Variants in CLIC5 observed in about 807,000 individuals in gnomAD.
The protein encoded by CLIC5 is CLIC family member 5.
In CLIC5, 20 loss-of-function variants were observed where a neutral mutation model predicts 24.7. The observed-to-expected ratio is 0.81, with a 90% CI of 0.57 to 1.18. CLIC5 has a LOEUF of 1.18. Ranked by LOEUF, CLIC5 falls within the 50% of genes most tolerant of loss-of-function variation. The pLI, the probability that CLIC5 is intolerant of heterozygous loss-of-function variation, is 0.00. For missense variants in CLIC5, 341 were observed against 326.1 expected, an observed-to-expected ratio of 1.05 and a Z score of -0.35; for synonymous variants, 159 against 135.6, an observed-to-expected ratio of 1.17 and a Z score of -1.20.
chr6:46,108,399 T>A, the CLIC5 span, among the ~76,000 whole-genome samples: 19,725 of 133,784 alleles, frequency 0.15, 1,726 homozygotes, highest in South Asian at 0.34. Context: ...TGTGTGTGTG[T>A]GTGAGAGAGA....
intron 1 of CLIC5, among the ~76,000 whole-genome samples, chr6:46,040,314 C>T (rs775828261): frequency 5.9e-5 from 9 of 151,934 alleles, no homozygotes; most frequent in Non-Finnish European, 2.9e-5. Context: ...ATTTGTTGCT[C>T]ATAGTGTTAA....
At chr6:45,986,131 C>G (rs1765728355) in intron 1 of CLIC5, among the ~76,000 whole-genome samples, 1 of 152,168 alleles carries the variant, frequency 6.6e-6, no homozygotes, top group Admixed American at 6.5e-5. Context: ...TCAATTAAAC[C>G]TCTTTCCTTT....
At chr6:46,045,389 T>C (rs1303975119) in intron 1 of CLIC5, among the ~76,000 whole-genome samples, 4 of 152,192 alleles carry the variant, frequency 2.6e-5, no homozygotes, top group Non-Finnish European at 5.9e-5. Flanking sequence ...TCCTTCCTTT[T>C]GCAATGTGGG....
intron 1 of CLIC5, among the ~76,000 whole-genome samples, chr6:46,032,880 G>C (rs1483297424): frequency 6.6e-6 from 1 of 151,852 alleles, no homozygotes; most frequent in Non-Finnish European, 1.5e-5. Flanking sequence ...CAGTTTCCAA[G>C]GACAATCTGT....
At chr6:45,949,681 C>T (rs1378492616) in intron 2 of CLIC5, among the ~76,000 whole-genome samples, 2 of 152,122 alleles carry the variant, frequency 1.3e-5, no homozygotes, top group Non-Finnish European at 2.9e-5. Context: ...AAGTCAGATC[C>T]AAGCTTTAAT....
intron 6 of CLIC5, among the ~76,000 whole-genome samples, chr6:45,887,223 T>C (rs1762312187): frequency 6.6e-6 from 1 of 152,208 alleles, no homozygotes; most frequent in Non-Finnish European, 1.5e-5. Flanking sequence ...GGAAAACCAA[T>C]TTATTCCATT....
chr6:46,121,264 G>A, the CLIC5 span, among the ~76,000 whole-genome samples: 89 of 138,650 alleles, frequency 6.4e-4, no homozygotes, highest in South Asian at 1.7e-3. Context: ...AGAAGAGAGT[G>A]GGGGCCAATA....
chr6:45,981,346 T>C (rs924790917), intron 1 of CLIC5, among the ~76,000 whole-genome samples: 2 of 151,930 alleles, frequency 1.3e-5, no homozygotes, highest in African/African-American at 4.8e-5. Flanking sequence ...ATTTCTGAAA[T>C]TTTGAAACAT....
the CLIC5 span, among the ~76,000 whole-genome samples, chr6:46,113,970 A>G: frequency 6.6e-6 from 1 of 152,218 alleles, no homozygotes; most frequent in Admixed American, 6.5e-5. Flanking sequence ...GGGAATCTTC[A>G]GTCCTTAGTC....
chr6:46,069,196 T>C (rs1307913212), intron 1 of CLIC5, among the ~76,000 whole-genome samples: 4 of 152,120 alleles, frequency 2.6e-5, no homozygotes, highest in Non-Finnish European at 4.4e-5. Context: ...AAGTCTTAGC[T>C]AAAAGTCTGA....
the CLIC5 span, among the ~76,000 whole-genome samples, chr6:46,103,966 T>G: frequency 6.6e-6 from 1 of 152,120 alleles, no homozygotes; most frequent in Non-Finnish European, 1.5e-5. Flanking sequence ...GCACTGTTTC[T>G]TTTTCACCTG....
intron 4 of CLIC5, among the ~76,000 whole-genome samples, chr6:45,930,049 T>C (rs1462185338): frequency 3.3e-5 from 5 of 152,048 alleles, no homozygotes; most frequent in Non-Finnish European, 7.4e-5. Flanking sequence ...TGAAGTGGCT[T>C]GGAATAATAA....
intron 1 of CLIC5, among the ~76,000 whole-genome samples, chr6:45,956,126 A>G (rs1764633880): frequency 6.6e-6 from 1 of 152,176 alleles, no homozygotes; most frequent in Non-Finnish European, 1.5e-5. Context: ...TAGGTCTGAA[A>G]AGCAAGTCCA....
intron 5 of CLIC5, chr6:45,912,638 A>C: frequency 6.6e-7 from 1 of 1,519,452 alleles, no homozygotes; most frequent in Non-Finnish European, 8.8e-7. Context: ...GTTGGCAGCA[A>C]ATACAGGACC....
At chr6:45,962,016 A>ATG (rs147836190) in intron 1 of CLIC5, among the ~76,000 whole-genome samples, 14,034 of 149,388 alleles carry the variant, frequency 0.094, 1,145 homozygotes, top group African/African-American at 0.22. Flanking sequence ...CACAACATGT[A>ATG]TGTGTGTGTG....
intron 5 of CLIC5, among the ~76,000 whole-genome samples, chr6:45,907,471 A>G (rs954011794): frequency 1.4e-4 from 22 of 152,092 alleles, no homozygotes; most frequent in Admixed American, 1.4e-3. Flanking sequence ...CATCAGGGAT[A>G]TTGGCTTGAA....
the CLIC5 span, among the ~76,000 whole-genome samples, chr6:46,120,388 AAACT>A: frequency 6.6e-6 from 1 of 152,238 alleles, no homozygotes; most frequent in Admixed American, 6.5e-5. Context: ...GTTAAAGGGA[AAACT>A]AACAAACAGA....
intron 4 of CLIC5, among the ~76,000 whole-genome samples, chr6:45,922,326 G>T (rs1366837518): frequency 2.6e-5 from 4 of 152,184 alleles, no homozygotes; most frequent in African/African-American, 9.7e-5. Flanking sequence ...GTGGTGGGGA[G>T]AATGGGGTGT....
intron 4 of CLIC5, among the ~76,000 whole-genome samples, chr6:45,915,472 T>A: frequency 6.6e-6 from 1 of 152,138 alleles, no homozygotes. Flanking sequence ...ACAGCCCTTT[T>A]TGATGTCACC....
Sources: allele counts gnomAD v4.1 joint callset (sites outside exome capture counted in the v4.1 genomes callset), GRCh38; gene constraint gnomAD v4.1.1; transcripts MANE v1.5; gene names NCBI Gene and HGNC (gene_info 2026-07-23, HGNC 2026-07-21).